Variants in IL36G observed in about 807,000 individuals in gnomAD.
The protein encoded by IL36G is interleukin 36 gamma, also known as interleukin-36 gamma.
Under a neutral mutation model 13.5 loss-of-function variants are expected in IL36G, and 10 were observed. The ratio of observed to expected loss-of-function variants is 0.74; its 90% CI spans 0.46 to 1.26. The LOEUF is 1.26. IL36G is among the 50% of genes most tolerant of loss of function. The pLI is 0.00. For synonymous variants in IL36G, 84 were observed against 74.0 expected (o/e 1.13, Z -0.69); for missense variants, 199 against 203.0 (o/e 0.98, Z 0.12).
chr2:112,979,196 A>G, intron 2 of IL36G, 25 bp from the exon 3 acceptor site: 2 of 1,434,590 alleles, frequency 1.4e-6, no homozygotes, highest in Non-Finnish European at 2.0e-6. Flanking sequence ...ATATTTCTTC[A>G]TTTTTTTCTC....
At chr2:112,983,073 T>C (rs986415449) in intron 4 of IL36G, among the ~76,000 whole-genome samples, 3 of 152,136 alleles carry the variant, frequency 2.0e-5, no homozygotes, top group Non-Finnish European at 4.4e-5. Context: ...GTCCTTAAGT[T>C]GCAAGTGCAG....
intron 3 of IL36G, 134 bp downstream of exon 3, chr2:112,979,459 G>A: frequency 1.6e-6 from 1 of 611,368 alleles, no homozygotes; most frequent in Non-Finnish European, 3.0e-6. Context: ...TAATTGGGAA[G>A]AGAAGTCAGG....
In IL36G at chr2:112,980,079, G is replaced by A. The variant is rs775071216; in HGVS notation, c.231G>A (p.Leu77=). The A allele has an allele frequency of 5.0e-6, 8 of 1,613,862 alleles. No homozygotes were observed. The highest frequency in any genetic ancestry group is 5.9e-6 in the Non-Finnish European group (7 of 1,179,744). Residue 77 remains leucine, a synonymous_variant, in exon 4 of 5, where the codon TTG becomes TTA. Coordinates refer to ENST00000259205, the MANE Select transcript of IL36G (RefSeq NM_019618.4). ...LEQGRGDPIY[L]GIQNPEMCLY... is the part of the protein sequence containing the mutation. ...AAGGCAGAGGGGATCCCATTTATTT[G>A]GGAATCCAGAATCCAGAAATGTGTT...
chr2:112,979,034 C>T (rs946075456), intron 2 of IL36G, among the ~76,000 whole-genome samples, 187 bp from the exon 3 acceptor site: 1 of 152,222 alleles, frequency 6.6e-6, no homozygotes, highest in Non-Finnish European at 1.5e-5. Flanking sequence ...TTGCCTTCCT[C>T]ACCAGAGCTC....
chr2:112,984,382 G>A (rs1684316085), intron 4 of IL36G, among the ~76,000 whole-genome samples: 1 of 151,954 alleles, frequency 6.6e-6, no homozygotes, highest in South Asian at 2.1e-4. Flanking sequence ...TTTTTCATTG[G>A]TATTTATCTT....
rs562544685 is a variant in IL36G, at chr2:112,983,038, G to C, written c.301-1802G>C. On this transcript the variant is annotated intron_variant, in intron 4 of 4. Coordinates refer to ENST00000259205, the MANE Select transcript of IL36G (RefSeq NM_019618.4). ...CAAGCAAAATTGATGGAGCACAAGA[G>C]AGCAGGGAGAACGGCTAGAGGGATG... 4.6e-5 allele frequency among the ~76,000 whole-genome samples: 7 copies of C among 152,332 alleles called. No individual in the cohort carries two copies. In the East Asian group the frequency reaches 1.4e-3, roughly 29 times the overall value.
intron 3 of IL36G, 22 bp from the exon 4 acceptor site, chr2:112,979,987 A>G: frequency 1.9e-6 from 3 of 1,607,102 alleles, no homozygotes; most frequent in Non-Finnish European, 2.5e-6. Context: ...AACTGATACC[A>G]TCTCTCCTCT....
intron 4 of IL36G, chr2:112,981,519 G>A (rs1684260630): frequency 1.9e-6 from 1 of 526,536 alleles, no homozygotes; most frequent in South Asian, 2.3e-5. Context: ...GGCTGTTCTT[G>A]CCTCTTCTTC....
At position 112,978,681 on chromosome 2, in the gene IL36G, G is replaced by T; in HGVS notation, c.43G>T (p.Val15Phe). ...PGDADGGGRA[V>F]YQSMCKPITG... is the part of the protein sequence containing the mutation. ...AGACGCTGATGGTGGAGGAAGGGCCGTCTATCAATCAAGTGAATCAAATGC... is the reference window on the plus strand; with the variant it reads ...AGACGCTGATGGTGGAGGAAGGGCCTTCTATCAATCAAGTGAATCAAATGC... The change falls in exon 2 of 5, where the codon GTC (valine) becomes TTC (phenylalanine). Residue 15 changes from valine to phenylalanine, a missense_variant. Physicochemically the swap from Val to Phe is conservative, Grantham distance 50. Transcript: ENST00000259205. The T allele has an allele frequency of 1.2e-6, 2 of 1,614,134 alleles. No individual in the cohort carries two copies. Among genetic ancestry groups the T allele is most frequent in the Non-Finnish European group, 1.7e-6 (2 of 1,179,996 alleles).
In IL36G at chr2:112,984,900, C is replaced by T. The variant is rs754576520; in HGVS notation, c.361C>T (p.Arg121Cys). ...PEPVKPFLFY[R>C]AKTGRTSTLE... The stretch of plus-strand genomic sequence containing the variant: ...GCCCGTGAAACCCTTCCTTTTCTAC[C>T]GTGCCAAGACTGGTAGGACCTCCAC... Residue 121 changes from arginine (R) to cysteine (C), a missense_variant, in exon 5 of 5, where the codon CGT (arginine) becomes TGT (cysteine). By Grantham distance (180) the Arg-to-Cys change is radical. Transcript: ENST00000259205. The T allele has an allele frequency of 2.6e-5, 42 of 1,614,014 alleles. No homozygotes were observed. Among genetic ancestry groups the T allele is most frequent in the African/African-American group, 5.3e-5 (4 of 74,918 alleles).
intron 4 of IL36G, among the ~76,000 whole-genome samples, chr2:112,983,093 T>C (rs1684295344): frequency 6.6e-6 from 1 of 152,056 alleles, no homozygotes; most frequent in South Asian, 2.1e-4. Context: ...GATAGGACCT[T>C]TCACCCAGTC....
At position 112,980,032 on chromosome 2, in the gene IL36G, A is replaced by G. The variant is rs138502461; in HGVS notation, c.184A>G (p.Lys62Glu). The G allele has an allele frequency of 4.4e-4, 708 of 1,613,652 alleles. No homozygotes were observed. The highest frequency in any genetic ancestry group is 5.3e-4 in the Non-Finnish European group (629 of 1,179,758). ...AGTCACTGTTGCTGTTATCACATGCAAGTATCCAGAGGCTCTTGAGCAAGG... is the reference window on the plus strand; with the variant it reads ...AGTCACTGTTGCTGTTATCACATGCGAGTATCCAGAGGCTCTTGAGCAAGG... ...TPVTVAVITC[K>E]YPEALEQGRG... Residue 62 changes from lysine (K) to glutamate (E), a missense_variant, in exon 4 of 5, where the codon AAG becomes GAG. Physicochemically the swap from Lys to Glu is moderately conservative, Grantham distance 56. Transcript: ENST00000259205.
At chr2:112,981,336 G>A (rs2105012479) in intron 4 of IL36G, 3 of 831,168 alleles carry the variant, frequency 3.6e-6, no homozygotes, top group East Asian at 4.9e-5. Flanking sequence ...GGATTTGGAG[G>A]AGCAGGTTTA....
At chr2:112,979,460 A>C in intron 3 of IL36G, 135 bp downstream of exon 3, 1 of 611,980 alleles carries the variant, frequency 1.6e-6, no homozygotes, top group South Asian at 2.1e-5. Context: ...AATTGGGAAG[A>C]GAAGTCAGGG....
intron 4 of IL36G, chr2:112,981,433 A>G (rs1684259043): frequency 7.2e-6 from 5 of 694,590 alleles, no homozygotes; most frequent in South Asian, 1.5e-5. Context: ...TCTCCTGGGC[A>G]TGGTGGTGGC....
intron 4 of IL36G, 92 bp downstream of exon 4, chr2:112,980,240 A>G (rs1376783125): frequency 2.2e-5 from 24 of 1,070,782 alleles, no homozygotes; most frequent in Non-Finnish European, 3.0e-5. Flanking sequence ...AAATAGTCTC[A>G]TCTTCCTAAG....
chr2:112,978,622 G>A lies in IL36G; in HGVS notation c.-17G>A, dbSNP rs1390294408. On this transcript the variant is annotated splice_region_variant and 5_prime_UTR_variant, in exon 2 of 5. Transcript: ENST00000259205. ...CTGTTCTATGTCTGCTTTCACAGGT[G>A]CTGAGACAACCACACTATGAGAGGC... 1 of 1,613,418 alleles carries A rather than the reference G, an allele frequency of 6.2e-7. No homozygotes were observed. The highest frequency in any genetic ancestry group is 8.5e-7 in the Non-Finnish European group (1 of 1,179,342).
At chr2:112,984,483 C>CT (rs1407801148) in intron 4 of IL36G, among the ~76,000 whole-genome samples, 1 of 152,170 alleles carries the variant, frequency 6.6e-6, no homozygotes, top group Non-Finnish European at 1.5e-5. Flanking sequence ...GTGACTCTCA[C>CT]TGTTGTGGTA....
intron 4 of IL36G, among the ~76,000 whole-genome samples, chr2:112,983,686 C>A (rs2105013985): frequency 6.6e-6 from 1 of 152,174 alleles, no homozygotes; most frequent in African/African-American, 2.4e-5. Flanking sequence ...GAAGGCAGGG[C>A]AGCAGGTAGG....
Sources: allele counts gnomAD v4.1 joint callset (sites outside exome capture counted in the v4.1 genomes callset), GRCh38; gene constraint gnomAD v4.1.1; transcripts MANE v1.5; gene names NCBI Gene and HGNC (gene_info 2026-07-23, HGNC 2026-07-21).